The following CEP112 variants were observed in gnomAD, a reference collection of about 807,000 sequenced individuals.
The protein encoded by CEP112 is centrosomal protein of 112 kDa.
Under a neutral mutation model 153.0 loss-of-function variants are expected in CEP112, and 127 were observed. The ratio of observed to expected loss-of-function variants is 0.83; its 90% confidence interval spans 0.72 to 0.96. The LOEUF is 0.96. CEP112 is among the 40% of genes least tolerant of loss of function. CEP112 has a pLI of 0.00. For synonymous variants in CEP112, 358 were observed against 374.4 expected, an observed-to-expected ratio of 0.96 and a Z score of 0.51; for missense variants, 1,089 against 1,101.2, an observed-to-expected ratio of 0.99 and a Z score of 0.16.
At chr17:65,683,491 C>G (rs773578249) in intron 24 of CEP112, among the ~76,000 whole-genome samples, 2 of 152,154 alleles carry the variant, frequency 1.3e-5, no homozygotes, top group Non-Finnish European at 2.9e-5. Flanking sequence ...AAGCCAGGAG[C>G]CTTCAAGAGA....
chr17:65,741,952 C>A (rs1598441185), intron 23 of CEP112, among the ~76,000 whole-genome samples: 3 of 141,438 alleles, frequency 2.1e-5, no homozygotes, highest in Non-Finnish European at 3.1e-5. Context: ...TCTTATAACA[C>A]AGGTAGGGGA....
At chr17:65,991,687 GTTTA>G (rs1403172284) in intron 17 of CEP112, among the ~76,000 whole-genome samples, 1 of 151,998 alleles carries the variant, frequency 6.6e-6, no homozygotes, top group Non-Finnish European at 1.5e-5. Flanking sequence ...AAATCTTTGT[GTTTA>G]CTATTCAAGT....
chr17:66,130,805 A>G (rs2070126470), intron 5 of CEP112, among the ~76,000 whole-genome samples: 1 of 148,068 alleles, frequency 6.8e-6, no homozygotes, highest in Non-Finnish European at 1.5e-5. Context: ...ACACACAATT[A>G]TGGTGATTCT....
intron 23 of CEP112, among the ~76,000 whole-genome samples, chr17:65,691,896 T>C (rs1317875442): frequency 6.6e-6 from 1 of 152,218 alleles, no homozygotes; most frequent in Non-Finnish European, 1.5e-5. Context: ...TCTGATTATG[T>C]TGTTCCCTGA....
At chr17:65,707,790 C>T (rs2048991935) in intron 23 of CEP112, among the ~76,000 whole-genome samples, 1 of 152,172 alleles carries the variant, frequency 6.6e-6, no homozygotes, top group South Asian at 2.1e-4. Context: ...TGTTTTAACA[C>T]CTTTCAAAGT....
chr17:65,709,415 G>C (rs142711837), intron 23 of CEP112, among the ~76,000 whole-genome samples: 1 of 152,264 alleles, frequency 6.6e-6, no homozygotes, highest in Non-Finnish European at 1.5e-5. Flanking sequence ...GGAAGAGCAA[G>C]GGACATCTTA....
chr17:65,647,278 A>T (rs551572328), intron 24 of CEP112, among the ~76,000 whole-genome samples: 17 of 148,476 alleles, frequency 1.1e-4, no homozygotes, highest in Non-Finnish European at 2.1e-4. Flanking sequence ...GGTTCAAGCG[A>T]TTCTCCTGCC....
intron 24 of CEP112, among the ~76,000 whole-genome samples, chr17:65,669,918 A>AC (rs1179122760): frequency 6.6e-6 from 1 of 151,714 alleles, no homozygotes; most frequent in East Asian, 1.9e-4. Context: ...AAAAAAAAAA[A>AC]AAGAGAGAAA....
At chr17:65,965,774 T>G (rs7221503) in intron 17 of CEP112, among the ~76,000 whole-genome samples, 62,865 of 151,882 alleles carry the variant, frequency 0.41, 14,411 homozygotes, top group East Asian at 0.87. Flanking sequence ...CACCCCGGTC[T>G]CCTAAAGAGC....
chr17:65,791,691 C>G (rs981579314), intron 21 of CEP112, among the ~76,000 whole-genome samples: 1 of 152,046 alleles, frequency 6.6e-6, no homozygotes, highest in Non-Finnish European at 1.5e-5. Flanking sequence ...CCATCAAGAT[C>G]TAGGTAATCA....
chr17:66,132,696 C>T lies in CEP112; in HGVS notation c.538G>A (p.Gly180Arg). The stretch of plus-strand genomic sequence containing the variant: ...CAAATCTTTGGGGTAATATTTTGTC[C>T]ATCTTCTCTGTGAGTTGGACTCAAG... ...HSLSPTHRED[G>R]QNITPKICEV... Residue 180 changes from glycine (G) to arginine (R), a missense_variant, in exon 5 of 27, where the codon GGA becomes AGA. Physicochemically the swap from Gly to Arg is moderately radical, Grantham distance 125 (BLOSUM62 -2). Coordinates refer to ENST00000535342, the MANE Select transcript of CEP112 (RefSeq NM_001199165.4). 6.2e-7 allele frequency: 1 copy of T among 1,613,562 alleles called. No individual in the cohort carries two copies. Among genetic ancestry groups the T allele is most frequent in the Non-Finnish European group, 8.5e-7 (1 of 1,179,550 alleles).
chr17:66,025,920 TAC>T (rs759825168), intron 16 of CEP112, among the ~76,000 whole-genome samples: 9,304 of 124,562 alleles, frequency 0.075, 450 homozygotes, highest in South Asian at 0.14. Context: ...AAATGTGGCA[TAC>T]ACACACACAC....
chr17:65,808,267 C>CATTGTATCTTGGAAGTAACTA (rs1413246516), intron 21 of CEP112, among the ~76,000 whole-genome samples: 1 of 152,188 alleles, frequency 6.6e-6, no homozygotes, highest in Non-Finnish European at 1.5e-5. Context: ...CTTGTACTCC[C>CATTGTATCTTGGAAGTAACTA]ATTGTATCTT....
intron 17 of CEP112, among the ~76,000 whole-genome samples, chr17:65,978,066 A>G (rs1009266656): frequency 2.0e-5 from 3 of 151,640 alleles, no homozygotes; most frequent in African/African-American, 7.3e-5. Flanking sequence ...CAAGAGTAAG[A>G]CTTTGTCTCA....
chr17:65,798,707 G>A (rs552638494), intron 21 of CEP112, among the ~76,000 whole-genome samples: 2 of 152,288 alleles, frequency 1.3e-5, no homozygotes, highest in Admixed American at 6.5e-5. Context: ...GGAAAAATCC[G>A]AGAATTTTTA....
chr17:65,853,714 C>T (rs959934690), intron 20 of CEP112, among the ~76,000 whole-genome samples: 1 of 139,292 alleles, frequency 7.2e-6, no homozygotes, highest in East Asian at 2.2e-4. Flanking sequence ...GGCAACAGAG[C>T]GAGACTCCAT....
At chr17:65,790,081 C>A (rs2054506961) in intron 21 of CEP112, among the ~76,000 whole-genome samples, 1 of 152,136 alleles carries the variant, frequency 6.6e-6, no homozygotes, top group Admixed American at 6.6e-5. Flanking sequence ...CAGCTTAAAT[C>A]CTGGGCAAGA....
intron 16 of CEP112, among the ~76,000 whole-genome samples, chr17:66,025,920 T>TACACACACACACAC (rs759825168): frequency 0.11 from 13,365 of 124,326 alleles, 880 homozygotes; most frequent in African/African-American, 0.14. Flanking sequence ...AAATGTGGCA[T>TACACACACACACAC]ACACACACAC....
At chr17:66,172,548 A>T (rs541413895) in intron 4 of CEP112, among the ~76,000 whole-genome samples, 1 of 152,318 alleles carries the variant, frequency 6.6e-6, no homozygotes, top group Non-Finnish European at 1.5e-5. Context: ...TATTTTTTAC[A>T]ATTGTGGGGA....
Sources: gnomAD v4.1 joint callset for allele counts (sites outside exome capture counted in the v4.1 genomes callset) on GRCh38, gnomAD v4.1.1 for gene constraint, MANE v1.5 for transcripts, NCBI Gene and HGNC (gene_info 2026-07-23, HGNC 2026-07-21) for gene names.